Variants in CCSER1 observed in about 807,000 individuals in gnomAD.
The protein encoded by CCSER1 is serine-rich coiled-coil domain-containing protein 1.
CCSER1 carries 41 observed loss-of-function variants against 82.0 expected under a neutral mutation model. That is an observed-to-expected ratio of 0.50 (90% CI 0.39 to 0.65). The LOEUF (loss-of-function observed/expected upper bound fraction) is 0.65. CCSER1 is among the 30% of genes least tolerant of loss of function. The pLI, the probability that CCSER1 is intolerant of heterozygous loss-of-function variation, is 0.00. For synonymous variants in CCSER1, 414 were observed against 383.9 expected, an observed-to-expected ratio of 1.08 and a Z score of -0.92; for missense variants, 1,119 against 1,064.2, an observed-to-expected ratio of 1.05 and a Z score of -0.72.
chr4:90,922,195 A>G (rs1728486196), intron 8 of CCSER1, among the ~76,000 whole-genome samples: 1 of 152,084 alleles, frequency 6.6e-6, no homozygotes, highest in African/African-American at 2.4e-5. Flanking sequence ...AAACTAAATT[A>G]TATTTACCTA....
At chr4:90,563,400 G>A (rs1472902660) in intron 5 of CCSER1, among the ~76,000 whole-genome samples, 2 of 152,004 alleles carry the variant, frequency 1.3e-5, no homozygotes, top group African/African-American at 4.8e-5. Context: ...GTGCACCATT[G>A]CGCCCTGCCC....
intron 1 of CCSER1, among the ~76,000 whole-genome samples, chr4:90,237,041 G>A (rs549640567): frequency 6.6e-6 from 1 of 152,150 alleles, no homozygotes; most frequent in South Asian, 2.1e-4. Flanking sequence ...TATATTTTGC[G>A]AGCTACATGC....
chr4:90,568,801 C>T (rs566397391), intron 5 of CCSER1, among the ~76,000 whole-genome samples: 3 of 147,410 alleles, frequency 2.0e-5, no homozygotes, highest in East Asian at 4.0e-4. Context: ...CTCACTCTGT[C>T]GCCCAGGCTG....
chr4:90,302,423 G>T (rs1350896115), intron 1 of CCSER1, among the ~76,000 whole-genome samples: 2 of 152,120 alleles, frequency 1.3e-5, no homozygotes, highest in Non-Finnish European at 2.9e-5. Context: ...ATAGTAGGAG[G>T]CTTTTGCCAT....
At chr4:91,056,979 C>A (rs1017416659) in intron 9 of CCSER1, among the ~76,000 whole-genome samples, 7 of 152,054 alleles carry the variant, frequency 4.6e-5, no homozygotes, top group African/African-American at 1.7e-4. Flanking sequence ...TTTAAATCAC[C>A]AAGAATTCCT....
At chr4:90,502,583 A>G (rs1770070777) in intron 5 of CCSER1, among the ~76,000 whole-genome samples, 1 of 152,186 alleles carries the variant, frequency 6.6e-6, no homozygotes, top group Admixed American at 6.5e-5. Context: ...GCGGTGGACA[A>G]TGCCTCAGGT....
intron 3 of CCSER1, among the ~76,000 whole-genome samples, chr4:90,353,819 G>A (rs1743928065): frequency 1.3e-5 from 2 of 152,286 alleles, no homozygotes; most frequent in South Asian, 4.1e-4. Flanking sequence ...CTGGCCGGAG[G>A]AACCCCACCA....
chr4:91,597,095 A>G (rs1289762673), intron 10 of CCSER1, among the ~76,000 whole-genome samples: 1 of 152,040 alleles, frequency 6.6e-6, no homozygotes, highest in African/African-American at 2.4e-5. Flanking sequence ...AATGTGATGA[A>G]GTTTTGAAAA....
At chr4:90,789,380 C>CT (rs1440016629) in intron 7 of CCSER1, among the ~76,000 whole-genome samples, 2 of 152,220 alleles carry the variant, frequency 1.3e-5, no homozygotes, top group Admixed American at 1.3e-4. Flanking sequence ...TTCACAATCA[C>CT]TTTTTTGTTT....
At chr4:90,269,306 T>C (rs1190807928) in intron 1 of CCSER1, among the ~76,000 whole-genome samples, 1 of 152,068 alleles carries the variant, frequency 6.6e-6, no homozygotes, top group Non-Finnish European at 1.5e-5. Context: ...TCTTAAAACA[T>C]TTAATATAAT....
chr4:91,244,171 T>C lies in CCSER1; in HGVS notation c.2217+158177T>C, dbSNP rs915447385. 5.3e-5 allele frequency among the ~76,000 whole-genome samples: 8 copies of C among 152,292 alleles called. No homozygotes were observed. In the East Asian group the frequency reaches 9.7e-4, roughly 18 times the overall value. On this transcript the variant is annotated intron_variant, in intron 10 of 10. Coordinates refer to ENST00000509176, the MANE Select transcript of CCSER1 (RefSeq NM_001145065.2). ...TTTGGTGATGGCCCCAAAGAGAGGC[T>C]CCTATGCCTGTGGAAAGGGGAAGGA...
At chr4:91,544,070 A>T (rs143604912) in intron 10 of CCSER1, among the ~76,000 whole-genome samples, 32 of 152,090 alleles carry the variant, frequency 2.1e-4, no homozygotes, top group Middle Eastern at 6.8e-3. Context: ...AATCACTGAT[A>T]CCCTTTCTTC....
chr4:91,515,638 T>C (rs1487743418), intron 10 of CCSER1, among the ~76,000 whole-genome samples: 1 of 152,202 alleles, frequency 6.6e-6, no homozygotes, highest in Non-Finnish European at 1.5e-5. Context: ...ATGTCTTTGC[T>C]ATTGTGAACA....
At chr4:90,601,750 T>A (rs901310927) in intron 5 of CCSER1, among the ~76,000 whole-genome samples, 1 of 152,056 alleles carries the variant, frequency 6.6e-6, no homozygotes, top group Non-Finnish European at 1.5e-5. Context: ...TTGTATATGC[T>A]GTATATTATT....
chr4:91,181,433 G>A (rs1032322012), intron 10 of CCSER1, among the ~76,000 whole-genome samples: 4 of 152,216 alleles, frequency 2.6e-5, no homozygotes, highest in Non-Finnish European at 4.4e-5. Flanking sequence ...TTAAGGTCAG[G>A]TGTGCCTGGG....
chr4:90,996,559 A>ATC (rs987286795), intron 9 of CCSER1, among the ~76,000 whole-genome samples: 2 of 152,176 alleles, frequency 1.3e-5, no homozygotes, highest in Admixed American at 1.3e-4. Flanking sequence ...AGGGAGAATT[A>ATC]TGTAACTTTC....
At chr4:90,717,361 A>G (rs1201854033) in intron 6 of CCSER1, among the ~76,000 whole-genome samples, 1 of 152,182 alleles carries the variant, frequency 6.6e-6, no homozygotes, top group African/African-American at 2.4e-5. Context: ...TATTATAAAG[A>G]AAAAAGCTTG....
intron 10 of CCSER1, among the ~76,000 whole-genome samples, chr4:91,407,339 T>C (rs1400644130): frequency 6.6e-6 from 1 of 152,170 alleles, no homozygotes; most frequent in African/African-American, 2.4e-5. Context: ...CTTGTTAACA[T>C]GCAATCTGTG....
chr4:90,661,117 G>A (rs1730695190), intron 6 of CCSER1, among the ~76,000 whole-genome samples: 1 of 152,120 alleles, frequency 6.6e-6, no homozygotes. Flanking sequence ...TTCATATTAT[G>A]CAAATAGTGT....
Sources: allele counts gnomAD v4.1 joint callset (sites outside exome capture counted in the v4.1 genomes callset), GRCh38; gene constraint gnomAD v4.1.1; transcripts MANE v1.5; gene names NCBI Gene and HGNC (gene_info 2026-07-23, HGNC 2026-07-21).